The following SOX6 variants were observed in gnomAD, a reference collection of about 807,000 sequenced individuals.
The protein encoded by SOX6 is transcription factor SOX-6.
SOX6 carries 11 observed loss-of-function variants against 97.8 expected under a neutral mutation model. That is an observed-to-expected ratio of 0.11 (90% confidence interval 0.07 to 0.19). The LOEUF is 0.19. SOX6 is among the 10% of genes least tolerant of loss of function. The pLI is 1.00. For synonymous variants in SOX6, 360 were observed against 371.4 expected, an observed-to-expected ratio of 0.97 and a Z score of 0.35; for missense variants, 810 against 1,039.5, an observed-to-expected ratio of 0.78 and a Z score of 3.04.
At chr11:16,656,707 A>G (rs1411761953) in intron 3 of SOX6, among the ~76,000 whole-genome samples, 1 of 152,194 alleles carries the variant, frequency 6.6e-6, no homozygotes, top group Non-Finnish European at 1.5e-5. Context: ...TTTGTACTAT[A>G]TATCTGTTTT....
chr11:15,975,025 G>A (rs748226502), intron 15 of SOX6, among the ~76,000 whole-genome samples: 6 of 152,114 alleles, frequency 3.9e-5, no homozygotes, highest in Non-Finnish European at 7.3e-5. Flanking sequence ...TCAATCTACA[G>A]ATACACTAAG....
rs946090174 is a variant in SOX6, at chr11:16,441,913, G to GCCT, written c.-5+34401_-5+34402insAGG. Among the ~76,000 whole-genome samples the GCCT allele has an allele frequency of 3.7e-4, 56 of 152,180 alleles. 1 individual carries two copies. Among genetic ancestry groups the GCCT allele is most frequent in the Admixed American group, 6.5e-5 (1 of 15,278 alleles). ...AAGGAGTTTGTACACTTTAAGAAATGACTGTCGTGAAACTGAGCACTCCCT... is the reference window on the plus strand; with the variant it reads ...AAGGAGTTTGTACACTTTAAGAAATGCCTACTGTCGTGAAACTGAGCACTCCCT... On this transcript the variant is annotated intron_variant, in intron 1 of 15. Transcript: ENST00000396356.
intron 9 of SOX6, among the ~76,000 whole-genome samples, chr11:16,094,310 G>A (rs1405285778): frequency 6.7e-6 from 1 of 150,286 alleles, no homozygotes; most frequent in Non-Finnish European, 1.5e-5. Context: ...TGGTGTGGGG[G>A]TTGGGAGTGG....
At chr11:16,647,718 C>T (rs1255060033) in intron 3 of SOX6, among the ~76,000 whole-genome samples, 1 of 152,194 alleles carries the variant, frequency 6.6e-6, no homozygotes, top group African/African-American at 2.4e-5. Flanking sequence ...TACCTCTGAA[C>T]CCACATCCCC....
chr11:16,202,583 G>A (rs1349190352), intron 4 of SOX6, among the ~76,000 whole-genome samples: 1 of 152,062 alleles, frequency 6.6e-6, no homozygotes, highest in Non-Finnish European at 1.5e-5. Flanking sequence ...TAGCAATGTG[G>A]TTTAACCAAT....
At chr11:16,619,247 AAAAG>A (rs886217093) in intron 3 of SOX6, among the ~76,000 whole-genome samples, 7 of 151,844 alleles carry the variant, frequency 4.6e-5, no homozygotes, top group African/African-American at 1.7e-4. Flanking sequence ...ACCAAAAAAA[AAAAG>A]AAAAGAAACT....
At chr11:16,062,407 T>C (rs1201354549) in intron 9 of SOX6, among the ~76,000 whole-genome samples, 6 of 151,728 alleles carry the variant, frequency 4.0e-5, no homozygotes, top group African/African-American at 1.4e-4. Context: ...ATTCCACATA[T>C]AATTCTCAGA....
chr11:16,343,626 T>C (rs577154869), intron 1 of SOX6, among the ~76,000 whole-genome samples: 95 of 152,060 alleles, frequency 6.2e-4, no homozygotes, highest in African/African-American at 2.1e-3. Flanking sequence ...GGGTCCTCAG[T>C]CTTAATCAGC....
intron 3 of SOX6, chr11:16,314,814 C>G (rs146164037): frequency 6.6e-6 from 1 of 152,104 alleles, no homozygotes; most frequent in Non-Finnish European, 1.5e-5. Context: ...ATATCTTTTA[C>G]GCTTATCACT....
chr11:16,665,280 T>TCTGGA (rs1847798631), intron 3 of SOX6, among the ~76,000 whole-genome samples: 1 of 152,074 alleles, frequency 6.6e-6, no homozygotes, highest in Admixed American at 6.6e-5. Context: ...CAGTGGTATT[T>TCTGGA]CTGGACCTGC....
At chr11:16,678,768 G>T (rs1167369975) in intron 3 of SOX6, among the ~76,000 whole-genome samples, 1 of 152,136 alleles carries the variant, frequency 6.6e-6, no homozygotes, top group East Asian at 1.9e-4. Flanking sequence ...CTTTTCCCAC[G>T]ATCTTAGCAA....
intron 1 of SOX6, among the ~76,000 whole-genome samples, chr11:16,438,371 G>A (rs911355249): frequency 4.6e-5 from 7 of 151,962 alleles, no homozygotes; most frequent in Non-Finnish European, 8.8e-5. Context: ...AAAATTGGGC[G>A]ATATTTACCT....
chr11:16,080,259 A>T (rs1287257383), intron 9 of SOX6, among the ~76,000 whole-genome samples: 8 of 51,516 alleles, frequency 1.6e-4, no homozygotes, highest in Non-Finnish European at 3.4e-4. Context: ...TAAGAAAACT[A>T]AAAAAAAAAA....
chr11:16,221,418 T>C (rs909010500), intron 4 of SOX6, among the ~76,000 whole-genome samples: 1 of 151,910 alleles, frequency 6.6e-6, no homozygotes, highest in Non-Finnish European at 1.5e-5. Flanking sequence ...TTTAATAGTC[T>C]ATGTGATGAA....
intron 3 of SOX6, among the ~76,000 whole-genome samples, chr11:16,287,280 TCTCTCTCTCTCTCTCTCTCACA>T (rs1565071199): frequency 9.4e-6 from 1 of 105,874 alleles, no homozygotes; most frequent in Non-Finnish European, 2.2e-5. Flanking sequence ...TCTCTCTCTC[TCTCTCTCTCTCTCTCTCTCACA>T]CACACACACA....
At chr11:16,479,864 T>C (rs567114120), upstream of SOX6, among the ~76,000 whole-genome samples, 12 of 152,208 alleles carry the variant, frequency 7.9e-5, no homozygotes, top group Non-Finnish European at 1.8e-4. Flanking sequence ...TCAAAAATTA[T>C]CTTAAAGAGC....
chr11:16,190,768 G>T (rs1851609600), intron 4 of SOX6, among the ~76,000 whole-genome samples: 1 of 152,118 alleles, frequency 6.6e-6, no homozygotes, highest in African/African-American at 2.4e-5. Flanking sequence ...TTCAAAATGT[G>T]CAGATTAATT....
chr11:16,606,966 C>G (rs1379888574), intron 4 of SOX6, among the ~76,000 whole-genome samples: 2 of 152,116 alleles, frequency 1.3e-5, no homozygotes, highest in Admixed American at 1.3e-4. Context: ...GCCCCTTTCT[C>G]TCCCTCCACT....
intron 9 of SOX6, among the ~76,000 whole-genome samples, chr11:16,064,525 TATATATATATGAAGCC>T (rs1327260004): frequency 6.7e-6 from 1 of 150,152 alleles, no homozygotes; most frequent in Non-Finnish European, 1.5e-5. Flanking sequence ...CATACATATA[TATATATATATGAAGCC>T]ATATATATAT....
Sources: gnomAD v4.1 joint callset for allele counts (sites outside exome capture counted in the v4.1 genomes callset) on GRCh38, gnomAD v4.1.1 for gene constraint, MANE v1.5 for transcripts, NCBI Gene and HGNC (gene_info 2026-07-23, HGNC 2026-07-21) for gene names.